CNOT1: variants seen among roughly 807,000 people sequenced by gnomAD.
CNOT1 encodes CCR4-associated factor 1.
A neutral mutation model predicts 273.8 loss-of-function variants in CNOT1; 15 were observed. The observed-to-expected ratio is 0.05, with a 90% CI of 0.04 to 0.08. CNOT1 has a LOEUF of 0.08. Among genes scored for constraint, CNOT1 ranks in the 10% least tolerant of loss-of-function variants. The probability of loss-of-function intolerance (pLI) is 1.00; values close to 1 mark genes in which losing one functional copy is unlikely to be tolerated. For missense variants in CNOT1, 1,644 were observed against 2,912.2 expected (o/e 0.56, Z 10.02); for synonymous variants, 1,022 against 1,005.5 (o/e 1.02, Z -0.31).
In CNOT1 at chr16:58,596,466, T is replaced by G. The variant is rs999464446; in HGVS notation, c.102+2770A>C. On this transcript the variant is annotated intron_variant, in intron 2 of 48. Coordinates refer to ENST00000317147, the MANE Select transcript of CNOT1 (RefSeq NM_016284.5). Reference sequence around the variant, plus strand: ...CTAACAGAAGTGTGTGGAATTGATGTACGATGGAGTGTCACTTTATCTCGT... The same window carrying G: ...CTAACAGAAGTGTGTGGAATTGATGGACGATGGAGTGTCACTTTATCTCGT... Among the ~76,000 whole-genome samples, 57 of 152,118 alleles carry G rather than the reference T, an allele frequency of 3.7e-4. 1 individual carries two copies. The highest frequency in any genetic ancestry group is 1.3e-3 in the African/African-American group (55 of 41,420).
intron 34 of CNOT1, 80 bp from the exon 35 acceptor site, chr16:58,540,039 C>CTATTTGA: frequency 7.0e-7 from 1 of 1,421,006 alleles, no homozygotes; most frequent in Non-Finnish European, 9.5e-7. Flanking sequence ...AAATAGAGGT[C>CTATTTGA]TACTAGTATG....
intron 2 of CNOT1, among the ~76,000 whole-genome samples, chr16:58,595,397 T>C (rs1344403917): frequency 7.7e-6 from 1 of 130,134 alleles, no homozygotes; most frequent in East Asian, 2.2e-4. Flanking sequence ...CCTAACTCTA[T>C]GATCAAAACT....
Position 58,599,462 on chromosome 16 carries a change from T to G in CNOT1, c.-125A>C. Reference sequence around the variant, plus strand: ...GGCTATATCTGGTATCTGTATAATATCTTCAGTTCTTCTTTACCAGGGGTC... The same window carrying G: ...GGCTATATCTGGTATCTGTATAATAGCTTCAGTTCTTCTTTACCAGGGGTC... On this transcript the variant is annotated 5_prime_UTR_variant, in exon 2 of 49. Coordinates refer to ENST00000317147, the MANE Select transcript of CNOT1 (RefSeq NM_016284.5). 1 of 1,127,260 alleles carries G rather than the reference T, an allele frequency of 8.9e-7. No homozygotes were observed. Among genetic ancestry groups the G allele is most frequent in the Non-Finnish European group, 1.2e-6 (1 of 801,702 alleles). The allele number at this position is 1,127,260 out of a possible 1,614,324, so 69.8% of individuals were successfully genotyped here. A position where few individuals can be genotyped will look rare whatever the true frequency, so the allele number is the denominator to read the frequency against.
chr16:58,559,756 T>C (rs201583492), intron 17 of CNOT1: 3 of 495,366 alleles, frequency 6.1e-6, no homozygotes, highest in African/African-American at 1.9e-5. Context: ...AATATGTTGC[T>C]CCCAGAGAGA....
intron 35 of CNOT1, among the ~76,000 whole-genome samples, chr16:58,539,480 C>CACACACACACACACACAG (rs1555494952): frequency 0.069 from 10,306 of 148,432 alleles, 407 homozygotes; most frequent in East Asian, 0.17. Flanking sequence ...CACACACACA[C>CACACACACACACACACAG]ACACACACAC....
chr16:58,625,836 C>G (rs1245303436), intron 1 of CNOT1, among the ~76,000 whole-genome samples: 2 of 128,136 alleles, frequency 1.6e-5, no homozygotes, highest in Non-Finnish European at 3.1e-5. Flanking sequence ...CCAGCCTAGG[C>G]ATTGAAGTGA....
intron 2 of CNOT1, among the ~76,000 whole-genome samples, chr16:58,598,419 A>T (rs1597559498): frequency 7.3e-6 from 1 of 136,200 alleles, no homozygotes; most frequent in African/African-American, 2.6e-5. Flanking sequence ...AAAAAAAAAA[A>T]TTAGCTGGGT....
chr16:58,604,953 G>A (rs1027387214), intron 1 of CNOT1, among the ~76,000 whole-genome samples: 6 of 150,802 alleles, frequency 4.0e-5, no homozygotes, highest in African/African-American at 7.3e-5. Context: ...TGCCTAACAC[G>A]GTGAAACCCC....
At chr16:58,528,724 C>T in intron 43 of CNOT1, 76 bp from the exon 44 acceptor site, 4 of 983,882 alleles carry the variant, frequency 4.1e-6, no homozygotes, top group South Asian at 3.3e-5. Context: ...AACTTAAGCC[C>T]CCCACCCCCC....
chr16:58,565,401 C>T (rs1038205128), intron 16 of CNOT1, among the ~76,000 whole-genome samples: 25 of 152,178 alleles, frequency 1.6e-4, no homozygotes, highest in Admixed American at 1.6e-3. Context: ...AAGTGTAAGC[C>T]ACCATGCTCA....
intron 1 of CNOT1, among the ~76,000 whole-genome samples, chr16:58,600,789 A>C (rs1567436349): frequency 6.6e-6 from 1 of 152,230 alleles, no homozygotes; most frequent in South Asian, 2.1e-4. Flanking sequence ...AGTGAGAACT[A>C]TTCTGTATAG....
chr16:58,621,468 T>TCTC (rs2043312905), intron 1 of CNOT1, among the ~76,000 whole-genome samples: 2 of 151,238 alleles, frequency 1.3e-5, no homozygotes, highest in South Asian at 4.2e-4. Context: ...ATACGGGGTT[T>TCTC]CTCCATGTTG....
intron 12 of CNOT1, among the ~76,000 whole-genome samples, chr16:58,579,229 G>A (rs185949803): frequency 2.0e-5 from 3 of 152,170 alleles, no homozygotes; most frequent in Admixed American, 1.3e-4. Context: ...AAATAACATG[G>A]GGTAGACTAG....
rs1419398408 is a variant in CNOT1 at position 58,539,938 on chromosome 16, C to T, written c.4822G>A (p.Val1608Ile). The T allele has an allele frequency of 6.2e-7, 1 of 1,607,034 alleles. No individual in the cohort carries two copies. Among genetic ancestry groups the T allele is most frequent in the East Asian group, 2.2e-5 (1 of 44,818 alleles). The change falls in exon 35 of 49, where the codon GTA becomes ATA. Residue 1608 changes from valine to isoleucine, a missense_variant. Around this residue, in one of 13 missense-constraint regions of CNOT1, gnomAD observed 170 missense variants for 273.1 expected, o/e 0.62. Coordinates refer to ENST00000317147, the MANE Select transcript of CNOT1 (RefSeq NM_016284.5). ...PMKQAWATDD[V>I]AQIYDKCITE... ...ATACACTTATCATAAATCTGAGCTA[C>T]ATCATCTGTTGCCCAAGCTTGCTGT...
intron 14 of CNOT1, among the ~76,000 whole-genome samples, chr16:58,575,944 T>G (rs1008033999): frequency 1.3e-5 from 2 of 152,158 alleles, no homozygotes; most frequent in African/African-American, 4.8e-5. Context: ...AAAACAGCTT[T>G]ACAATATATG....
chr16:58,560,334 T>A lies in CNOT1; in HGVS notation c.2008A>T (p.Ile670Phe), dbSNP rs757997652. The part of the protein sequence containing the change: ...GSVSQELSET[I>F]LTMVANCSNV... The stretch of plus-strand genomic sequence containing the variant: ...CTGCAATTGGCTACCATGGTGAGGA[T>A]AGTTTCTGATAGCTCCTGAGAAACA... Residue 670 changes from isoleucine (I) to phenylalanine (F), a missense_variant, in exon 17 of 49, where the codon ATC becomes TTC. Physicochemically the swap from Ile to Phe is conservative, Grantham distance 21 (BLOSUM62 0). Transcript: ENST00000317147. The A allele has an allele frequency of 6.2e-7, 1 of 1,614,072 alleles. No homozygotes were observed. Among genetic ancestry groups the A allele is most frequent in the South Asian group, 1.1e-5 (1 of 91,074 alleles).
chr16:58,551,477 T>A (rs1018540396), intron 23 of CNOT1, 112 bp downstream of exon 23: 1 of 1,315,730 alleles, frequency 7.6e-7, no homozygotes, highest in African/African-American at 1.5e-5. Context: ...TGTCAGTCTT[T>A]TATATCTTTT....
At chr16:58,526,176 A>G in intron 44 of CNOT1, 38 bp from the exon 45 acceptor site, 14 of 1,610,054 alleles carry the variant, frequency 8.7e-6, no homozygotes, top group Non-Finnish European at 1.1e-5. Context: ...AAGCAGAATC[A>G]TTTTTATTAG....
chr16:58,520,826 T>C lies in CNOT1; in HGVS notation c.*132A>G, dbSNP rs2039342213. On this transcript the variant is annotated 3_prime_UTR_variant, in exon 49 of 49. Transcript: ENST00000317147. ...TAAGACAGGAGGCTGATCCCAACAG[T>C]AGTTGGGGCAGATACCCACAAACCA... is the stretch of plus-strand genomic sequence containing the variant. The C allele has an allele frequency of 2.3e-6, 2 of 877,046 alleles. No homozygotes were observed. The highest frequency in any genetic ancestry group is 3.6e-6 in the Non-Finnish European group (2 of 553,786). 54.3% of individuals were successfully genotyped at this position (877,046 alleles called of 1,614,324 possible). A position where few individuals can be genotyped will look rare whatever the true frequency, so the allele number is the denominator to read the frequency against.
Sources: allele counts gnomAD v4.1 joint callset (sites outside exome capture counted in the v4.1 genomes callset), GRCh38; gene constraint gnomAD v4.1.1; regional missense constraint gnomAD v4.1.1; transcripts MANE v1.5; gene names NCBI Gene and HGNC (gene_info 2026-07-23, HGNC 2026-07-21).